CUL5: variants seen among roughly 807,000 people sequenced by gnomAD.
The protein encoded by CUL5 is cullin-5.
A neutral mutation model predicts 108.8 loss-of-function variants in CUL5; 26 were observed. The observed-to-expected ratio is 0.24, with a 90% CI of 0.18 to 0.33. The LOEUF (loss-of-function observed/expected upper bound fraction) is 0.33. Among genes scored for constraint, CUL5 ranks in the 10% least tolerant of loss-of-function variants. CUL5 has a pLI of 1.00. For missense variants in CUL5, 524 were observed against 909.2 expected (o/e 0.58, Z 5.45); for synonymous variants, 334 against 298.0 (o/e 1.12, Z -1.25).
At chr11:108,064,356 C>T (rs1863621946) in intron 7 of CUL5, among the ~76,000 whole-genome samples, 1 of 152,208 alleles carries the variant, frequency 6.6e-6, no homozygotes, top group African/African-American at 2.4e-5. Flanking sequence ...ACCATCCTTG[C>T]ATCCACGGAT....
rs150365344 is a variant in CUL5, at chr11:108,060,392, A to G, written c.780+5437A>G. On this transcript the variant is annotated intron_variant, in intron 7 of 18. Transcript: ENST00000393094. ...GAATCATAAAGTGGGGGAACTTAAGATAATTTTTAGTTCAACTCTTACGTT... is the reference window on the plus strand; with the variant it reads ...GAATCATAAAGTGGGGGAACTTAAGGTAATTTTTAGTTCAACTCTTACGTT... Among the ~76,000 whole-genome samples, 325 of 152,356 alleles carry G rather than the reference A, an allele frequency of 2.1e-3. 2 individuals carry two copies. The highest frequency in any genetic ancestry group is 7.3e-3 in the African/African-American group (303 of 41,588).
chr11:108,075,982 A>C (rs184755140), intron 10 of CUL5, among the ~76,000 whole-genome samples: 2 of 152,234 alleles, frequency 1.3e-5, no homozygotes, highest in African/African-American at 4.8e-5. Context: ...CCCAAAGTCT[A>C]CTTAGCATGA....
chr11:108,033,455 A>G (rs1862646265), intron 1 of CUL5, among the ~76,000 whole-genome samples: 1 of 152,122 alleles, frequency 6.6e-6, no homozygotes, highest in Non-Finnish European at 1.5e-5. Flanking sequence ...CCTGAATTGC[A>G]TTATTAGCCA....
intron 2 of CUL5, among the ~76,000 whole-genome samples, chr11:108,044,249 GC>G (rs1863008663): frequency 6.6e-6 from 1 of 152,090 alleles, no homozygotes; most frequent in Non-Finnish European, 1.5e-5. Context: ...AACCCCAGTG[GC>G]TCATGCCTAT....
intron 11 of CUL5, among the ~76,000 whole-genome samples, chr11:108,085,521 A>G (rs1864198667): frequency 6.6e-6 from 1 of 152,232 alleles, no homozygotes; most frequent in African/African-American, 2.4e-5. Context: ...TTTGTACAGC[A>G]TTGTGAATGT....
At chr11:108,103,252 G>T (rs925007236) in intron 18 of CUL5, among the ~76,000 whole-genome samples, 1 of 152,104 alleles carries the variant, frequency 6.6e-6, no homozygotes, top group African/African-American at 2.4e-5. Flanking sequence ...AGATGAAAAA[G>T]ATTTATTTCT....
intron 12 of CUL5, among the ~76,000 whole-genome samples, chr11:108,089,190 A>G (rs1250460161): frequency 1.3e-5 from 2 of 152,024 alleles, no homozygotes; most frequent in African/African-American, 4.8e-5. Flanking sequence ...GATAAGTAGA[A>G]GAGACACTTT....
chr11:108,092,135 T>G (rs1206825661), intron 13 of CUL5, among the ~76,000 whole-genome samples: 1 of 151,994 alleles, frequency 6.6e-6, no homozygotes, highest in South Asian at 2.1e-4. Context: ...AGACCCTTTC[T>G]CAAAAACAAA....
At chr11:108,046,620 T>C in intron 3 of CUL5, 1 of 305,432 alleles carries the variant, frequency 3.3e-6, no homozygotes, top group Non-Finnish European at 6.0e-6. Context: ...CAGTTTTTTA[T>C]ATTTTTTGGG....
At chr11:108,027,196 GGCGCCATCATGGC>G (rs1309308827) in intron 1 of CUL5, among the ~76,000 whole-genome samples, 1 of 151,564 alleles carries the variant, frequency 6.6e-6, no homozygotes, top group Non-Finnish European at 1.5e-5. Flanking sequence ...GGAGTGCAGT[GGCGCCATCATGGC>G]TCACTGCAAC....
At position 108,095,535 on chromosome 11, in the gene CUL5, A is replaced by G; in HGVS notation, c.1749A>G (p.Thr583=). 6.3e-7 allele frequency: 1 copy of G among 1,597,896 alleles called. No individual in the cohort carries two copies. Among genetic ancestry groups the G allele is most frequent in the Non-Finnish European group, 8.6e-7 (1 of 1,167,784 alleles). The change falls in exon 16 of 19, where the codon ACA becomes ACG. Residue 583 remains threonine, a synonymous_variant. Transcript: ENST00000393094. ...ATCTGTTTTATCTATTATAGATAAC[A>G]TTTAAGAATGAAGTTGGTCAATATG... is the stretch of plus-strand genomic sequence containing the variant. ...WHHLMSNGII[T]FKNEVGQYDL... is the part of the protein sequence containing the mutation.
intron 3 of CUL5, among the ~76,000 whole-genome samples, chr11:108,048,470 T>C (rs1383880439): frequency 6.6e-6 from 1 of 152,236 alleles, no homozygotes; most frequent in Non-Finnish European, 1.5e-5. Flanking sequence ...GGCTTTCTTT[T>C]CACTGTGTGG....
intron 1 of CUL5, among the ~76,000 whole-genome samples, chr11:108,024,052 C>T (rs1862396603): frequency 6.6e-6 from 1 of 152,116 alleles, no homozygotes; most frequent in African/African-American, 2.4e-5. Context: ...CTCTCTAAGC[C>T]TGATGAAATT....
intron 1 of CUL5, among the ~76,000 whole-genome samples, chr11:108,029,421 T>A (rs1316421142): frequency 6.6e-6 from 1 of 152,258 alleles, no homozygotes; most frequent in Non-Finnish European, 1.5e-5. Flanking sequence ...GCTTATTTGC[T>A]ATTCTGAATA....
intron 1 of CUL5, among the ~76,000 whole-genome samples, chr11:108,020,542 T>G (rs549512253): frequency 5.5e-4 from 83 of 151,622 alleles, no homozygotes; most frequent in African/African-American, 1.8e-3. Context: ...GTGATTTTTT[T>G]TTTTTTGTTT....
At chr11:108,061,123 GTT>G (rs1392062729) in intron 7 of CUL5, among the ~76,000 whole-genome samples, 1 of 152,120 alleles carries the variant, frequency 6.6e-6, no homozygotes. Context: ...ATGGCAAAAA[GTT>G]TTTTTCTTCA....
chr11:108,016,997 A>G (rs1862209689), intron 1 of CUL5, among the ~76,000 whole-genome samples: 1 of 152,198 alleles, frequency 6.6e-6, no homozygotes, highest in Non-Finnish European at 1.5e-5. Context: ...GGTCAAATCC[A>G]TGGAGTACAT....
chr11:108,090,114 A>C (rs1388600060), intron 13 of CUL5, among the ~76,000 whole-genome samples: 1 of 152,184 alleles, frequency 6.6e-6, no homozygotes, highest in East Asian at 1.9e-4. Context: ...CTTTCAGTAA[A>C]GTATCTTTGT....
intron 2 of CUL5, among the ~76,000 whole-genome samples, chr11:108,044,684 G>A (rs1444467762): frequency 2.7e-5 from 4 of 150,928 alleles, no homozygotes; most frequent in South Asian, 2.1e-4. Context: ...CTGTCCTTTC[G>A]TTGTTTCTCT....
Sources: allele counts gnomAD v4.1 joint callset (sites outside exome capture counted in the v4.1 genomes callset), GRCh38; gene constraint gnomAD v4.1.1; transcripts MANE v1.5; gene names NCBI Gene and HGNC (gene_info 2026-07-23, HGNC 2026-07-21).